The following EDA variants were observed in gnomAD, a reference collection of about 807,000 sequenced individuals.
EDA encodes the protein ectodysplasin-A.
In EDA, 2 loss-of-function variants were observed where a neutral mutation model predicts 23.6. The observed-to-expected ratio is 0.08, with a 90% CI of 0.03 to 0.27. The LOEUF is 0.27. Ranked by LOEUF, EDA falls within the 10% of genes least tolerant of loss-of-function variation. The pLI, the probability that EDA is intolerant of heterozygous loss-of-function variation, is 1.00. For synonymous variants in EDA, 131 were observed against 132.0 expected (o/e 0.99, Z 0.05); for missense variants, 229 against 324.2 (o/e 0.71, Z 2.26).
chrX:70,014,974 G>T (rs763295094), intron 2 of EDA, among the ~76,000 whole-genome samples: 1 of 111,861 alleles, frequency 8.9e-6, no homozygotes, highest in African/African-American at 3.2e-5. Flanking sequence ...GAGGGAATAC[G>T]AGCAACTTGG....
intron 2 of EDA, among the ~76,000 whole-genome samples, chrX:69,979,633 G>A (rs1350262881): frequency 9.0e-6 from 1 of 111,659 alleles, no homozygotes; most frequent in Non-Finnish European, 1.9e-5. Flanking sequence ...ACATTTCCCT[G>A]ATGACCGATG....
intron 1 of EDA, among the ~76,000 whole-genome samples, chrX:69,762,281 C>G (rs2014331390): frequency 1.8e-5 from 2 of 111,938 alleles, no homozygotes; most frequent in Non-Finnish European, 1.9e-5. Context: ...GACCACTTCT[C>G]TCAGTCCCCA....
intron 1 of EDA, among the ~76,000 whole-genome samples, chrX:69,837,431 G>A (rs1175150596): frequency 8.9e-6 from 1 of 112,193 alleles, no homozygotes; most frequent in Non-Finnish European, 1.9e-5. Context: ...TGAATTACCT[G>A]TCACTGCTTA....
intron 1 of EDA, among the ~76,000 whole-genome samples, chrX:69,833,879 T>C (rs908479483): frequency 1.2e-4 from 13 of 109,539 alleles, no homozygotes; most frequent in African/African-American, 4.3e-4. Context: ...CGTATACAGG[T>C]GCCATGTTAG....
chrX:69,830,809 C>G (rs1260623488), intron 1 of EDA, among the ~76,000 whole-genome samples: 1 of 111,478 alleles, frequency 9.0e-6, no homozygotes, highest in East Asian at 2.8e-4. Flanking sequence ...ATTCTGAGAC[C>G]TTGAATGCTT....
At chrX:69,947,981 A>G (rs1025667239) in intron 1 of EDA, among the ~76,000 whole-genome samples, 2 of 112,223 alleles carry the variant, frequency 1.8e-5, no homozygotes, top group Non-Finnish European at 3.8e-5. Flanking sequence ...TGTACATCTT[A>G]AATAGATTTC....
At chrX:69,932,225 A>T (rs2018608415) in intron 1 of EDA, among the ~76,000 whole-genome samples, 1 of 111,935 alleles carries the variant, frequency 8.9e-6, no homozygotes, top group East Asian at 2.8e-4. Flanking sequence ...ATTACAAAGG[A>T]TCATGAGGAA....
chrX:69,667,682 T>C (rs1454573040), intron 1 of EDA, among the ~76,000 whole-genome samples: 2 of 112,213 alleles, frequency 1.8e-5, no homozygotes, highest in African/African-American at 3.2e-5. Flanking sequence ...AATGTTAGAC[T>C]ATTTATTTGG....
At chrX:69,935,250 A>G (rs1017180837) in intron 1 of EDA, among the ~76,000 whole-genome samples, 1 of 111,611 alleles carries the variant, frequency 9.0e-6, no homozygotes, top group Non-Finnish European at 1.9e-5. Flanking sequence ...CACAATAAAC[A>G]TGGGAGTGTA....
intron 1 of EDA, among the ~76,000 whole-genome samples, chrX:69,648,738 C>T (rs1358847631): frequency 8.9e-6 from 1 of 111,735 alleles, no homozygotes; most frequent in Admixed American, 9.4e-5. Context: ...GGAATCACCC[C>T]CCTTCCTAGG....
chrX:69,922,857 T>A (rs2147666774), intron 1 of EDA, among the ~76,000 whole-genome samples: 1 of 110,090 alleles, frequency 9.1e-6, no homozygotes, highest in South Asian at 3.9e-4. Context: ...GTAGAGGGAG[T>A]TTTGTTGGTA....
intron 1 of EDA, among the ~76,000 whole-genome samples, chrX:69,897,837 C>G (rs960727915): frequency 1.8e-5 from 2 of 111,727 alleles, no homozygotes; most frequent in African/African-American, 6.5e-5. Flanking sequence ...TTATTCAGTA[C>G]AGACAGAAAC....
At chrX:69,845,286 C>T (rs2016983862) in intron 1 of EDA, among the ~76,000 whole-genome samples, 1 of 112,343 alleles carries the variant, frequency 8.9e-6, no homozygotes, top group Non-Finnish European at 1.9e-5. Flanking sequence ...ACACAGAGAT[C>T]TATCTGATTC....
chrX:69,816,485 A>G, intron 1 of EDA, among the ~76,000 whole-genome samples: 1 of 111,972 alleles, frequency 8.9e-6, no homozygotes. Context: ...ACAATAGGCA[A>G]TTTAGAGAGG....
At chrX:69,848,232 G>T (rs955117389) in intron 1 of EDA, among the ~76,000 whole-genome samples, 5 of 111,500 alleles carry the variant, frequency 4.5e-5, no homozygotes, top group African/African-American at 1.6e-4. Context: ...TTACCACATT[G>T]TCTTAATTAT....
At chrX:69,925,783 C>CTTTTT (rs147114575) in intron 1 of EDA, among the ~76,000 whole-genome samples, 2 of 82,596 alleles carry the variant, frequency 2.4e-5, no homozygotes, top group African/African-American at 4.4e-5. Flanking sequence ...TGGTCCTGGG[C>CTTTTT]TTTTTTTTTT....
chrX:69,710,914 G>A (rs1183595686), intron 1 of EDA, among the ~76,000 whole-genome samples: 1 of 111,615 alleles, frequency 9.0e-6, no homozygotes. Context: ...GGGTTTTCTA[G>A]ATATACAATC....
At chrX:69,940,277 T>C (rs1173717901) in intron 1 of EDA, among the ~76,000 whole-genome samples, 1 of 111,522 alleles carries the variant, frequency 9.0e-6, no homozygotes, top group Non-Finnish European at 1.9e-5. Context: ...TTGTTATTAG[T>C]CTGTTCAGGT....
At chrX:70,009,854 T>C (rs914328254) in intron 2 of EDA, among the ~76,000 whole-genome samples, 1 of 112,107 alleles carries the variant, frequency 8.9e-6, no homozygotes, top group African/African-American at 3.2e-5. Flanking sequence ...CCCGAAGTGC[T>C]ACGATTACAG....
Sources: gnomAD v4.1 joint callset for allele counts (sites outside exome capture counted in the v4.1 genomes callset) on GRCh38, gnomAD v4.1.1 for gene constraint, MANE v1.5 for transcripts, NCBI Gene and HGNC (gene_info 2026-07-23, HGNC 2026-07-21) for gene names.